Variants in HTRA1 observed in about 807,000 individuals in gnomAD.
HTRA1 encodes HtrA serine peptidase 1.
A neutral mutation model predicts 49.7 loss-of-function variants in HTRA1; 26 were observed. The ratio of observed to expected loss-of-function variants is 0.52; its 90% CI spans 0.38 to 0.73. HTRA1 has a LOEUF of 0.73. HTRA1 is among the 30% of genes least tolerant of loss of function. HTRA1 has a pLI of 0.00. For synonymous variants in HTRA1, 291 were observed against 286.9 expected (o/e 1.01, Z -0.14); for missense variants, 561 against 667.2 (o/e 0.84, Z 1.75).
At chr10:122,480,340 CG>C (rs79943008) in intron 1 of HTRA1, among the ~76,000 whole-genome samples, 30,801 of 152,078 alleles carry the variant, frequency 0.2, 3,413 homozygotes, top group South Asian at 0.43. Context: ...CACATCAGGG[CG>C]GGCGAGGGCA....
chr10:122,506,951 A>G lies in HTRA1; in HGVS notation c.972+66A>G. On this transcript the variant is annotated intron_variant, in intron 4 of 8. Coordinates refer to ENST00000368984, the MANE Select transcript of HTRA1 (RefSeq NM_002775.5). This position sits in a 1 kb window ranked among gnomAD's most constrained non-coding sequence, Gnocchi z 5.2. ...TTTTGCCAGGGGGAGAGGAGTCAGC[A>G]TAGGTCTTAGCCCCTGACTTTGTTG... 7.1e-7 allele frequency: 1 copy of G among 1,408,282 alleles called. No individual in the cohort carries two copies. Among genetic ancestry groups the G allele is most frequent in the East Asian group, 2.3e-5 (1 of 43,532 alleles). The allele number at this position is 1,408,282 out of a possible 1,614,324, so 87.2% of individuals were successfully genotyped here.
Position 122,484,218 on chromosome 10 carries a change from G to C in HTRA1, c.473-4684G>C, listed in dbSNP as rs138574863. Among the ~76,000 whole-genome samples the C allele has an allele frequency of 1.0e-3, 156 of 152,324 alleles. 1 individual carries two copies. The highest frequency in any genetic ancestry group is 3.6e-3 in the African/African-American group (151 of 41,582). On this transcript the variant is annotated intron_variant, in intron 1 of 8. Coordinates refer to ENST00000368984, the MANE Select transcript of HTRA1 (RefSeq NM_002775.5). ...ACAGAACAGTGTGGGGAGGAGGCAT[G>C]GTCCTTACCTACTAGGGCGTTACTT... is the stretch of plus-strand genomic sequence containing the variant.
intron 1 of HTRA1, among the ~76,000 whole-genome samples, chr10:122,475,671 G>A (rs79057333): frequency 0.09 from 13,690 of 152,268 alleles, 826 homozygotes; most frequent in Middle Eastern, 0.17. Flanking sequence ...GGCTGCCTGG[G>A]CCACCACTTA....
intron 1 of HTRA1, among the ~76,000 whole-genome samples, chr10:122,477,374 C>T (rs1291649481): frequency 3.3e-5 from 5 of 152,132 alleles, no homozygotes; most frequent in African/African-American, 4.8e-5. Flanking sequence ...CCAGTATGTA[C>T]CTCCCACATA....
At position 122,464,423 on chromosome 10, in the gene HTRA1, C is replaced by CT. The variant is rs903604652; in HGVS notation, c.472+2303dup. Among the ~76,000 whole-genome samples the CT allele has an allele frequency of 4.9e-4, 74 of 152,134 alleles. No homozygotes were observed. Among genetic ancestry groups the CT allele is most frequent in the African/African-American group, 1.6e-3 (67 of 41,426 alleles). ...AGGGAGAGACAGAGTGGGTACAATG[C>CT]TTTTCTTATCCCTCCCTCCTTCTTT... On this transcript the variant is annotated intron_variant, in intron 1 of 8. Transcript: ENST00000368984. The surrounding 1 kb of genome is among the most constrained non-coding windows in gnomAD (Gnocchi z 4.8).
chr10:122,468,594 C>T (rs1458337481), intron 1 of HTRA1, among the ~76,000 whole-genome samples: 1 of 152,108 alleles, frequency 6.6e-6, no homozygotes, highest in Non-Finnish European at 1.5e-5. Context: ...TCGGAATTTG[C>T]CATCTAATAT....
At chr10:122,482,378 A>C (rs1165106256) in intron 1 of HTRA1, among the ~76,000 whole-genome samples, 1 of 152,256 alleles carries the variant, frequency 6.6e-6, no homozygotes, top group East Asian at 1.9e-4. Flanking sequence ...ATCTGATTTC[A>C]AAACTATGAT....
intron 1 of HTRA1, among the ~76,000 whole-genome samples, chr10:122,479,723 G>A (rs2097490163): frequency 6.6e-6 from 1 of 151,988 alleles, no homozygotes; most frequent in Non-Finnish European, 1.5e-5. Flanking sequence ...GTGCATTAAG[G>A]AGTCGTGGGG....
chr10:122,469,485 T>C (rs1474039102), intron 1 of HTRA1, among the ~76,000 whole-genome samples: 2 of 152,210 alleles, frequency 1.3e-5, no homozygotes, highest in African/African-American at 2.4e-5. Context: ...TCACATCTGC[T>C]TTTCTGTGGC....
In HTRA1 at chr10:122,510,605, A is replaced by T. The variant is rs2133452275; in HGVS notation, c.1178+452A>T. Among the ~76,000 whole-genome samples the T allele has an allele frequency of 1.3e-5, 2 of 152,304 alleles. 1 individual carries two copies. Among genetic ancestry groups the T allele is most frequent in the Middle Eastern group, 6.8e-3 (2 of 294 alleles). On this transcript the variant is annotated intron_variant, in intron 7 of 8. Coordinates refer to ENST00000368984, the MANE Select transcript of HTRA1 (RefSeq NM_002775.5). Reference sequence around the variant, plus strand: ...GCTCCAGGAATGCCAGGGCAGGTCCAGCGCAGGGAAGTGAATGACTGATGT... The same window carrying T: ...GCTCCAGGAATGCCAGGGCAGGTCCTGCGCAGGGAAGTGAATGACTGATGT...
At position 122,501,880 on chromosome 10, in the gene HTRA1, T is replaced by C. The variant is rs1418951311; in HGVS notation, c.778-4811T>C. On this transcript the variant is annotated intron_variant, in intron 3 of 8. Coordinates refer to ENST00000368984, the MANE Select transcript of HTRA1 (RefSeq NM_002775.5). ...GGGAAGGAAGGAGCCTTGTTCTTGA[T>C]GCTGTCTGTGAGCCTTTGAGTTATC... 4.0e-5 allele frequency among the ~76,000 whole-genome samples: 6 copies of C among 151,786 alleles called. No homozygotes were observed. In the East Asian group the frequency reaches 1.2e-3, roughly 29 times the overall value.
Position 122,506,593 on chromosome 10 carries a change from GC to G in HTRA1, c.778-95del. On this transcript the variant is annotated intron_variant, in intron 3 of 8. Transcript: ENST00000368984. The surrounding 1 kb of genome is among the most constrained non-coding windows in gnomAD (Gnocchi z 5.2). ...CCACCGGGCCTGGTGTTTCCAAATA[GC>G]CCGTCACTGTCCCTGCTTGGTTTTC... 1 of 1,056,660 alleles carries G rather than the reference GC, an allele frequency of 9.5e-7. No homozygotes were observed. Among genetic ancestry groups the G allele is most frequent in the African/African-American group, 1.6e-5 (1 of 64,462 alleles). 65.5% of individuals were successfully genotyped at this position (1,056,660 alleles called of 1,614,324 possible).
rs1003685378 is a variant in HTRA1, at chr10:122,488,889, C to A, written c.473-13C>A. 5.0e-6 allele frequency: 8 copies of A among 1,608,188 alleles called. No homozygotes were observed. The highest frequency in any genetic ancestry group is 3.3e-4 in the Middle Eastern group (2 of 6,052). On this transcript the variant is annotated splice_polypyrimidine_tract_variant and intron_variant, in intron 1 of 8. Coordinates refer to ENST00000368984, the MANE Select transcript of HTRA1 (RefSeq NM_002775.5). Reference sequence around the variant, plus strand: ...AGTGTCATTAAGTATCTATTCTTTGCTTTTGTTCTCAGGGCAGGAAGATCC... The same window carrying A: ...AGTGTCATTAAGTATCTATTCTTTGATTTTGTTCTCAGGGCAGGAAGATCC...
At chr10:122,484,946 G>A (rs540890741) in intron 1 of HTRA1, among the ~76,000 whole-genome samples, 23 of 152,328 alleles carry the variant, frequency 1.5e-4, no homozygotes, top group Non-Finnish European at 2.9e-4. Flanking sequence ...ATTCTCCATC[G>A]GGATTGACTC....
intron 3 of HTRA1, among the ~76,000 whole-genome samples, chr10:122,493,291 C>A (rs2097496780): frequency 6.6e-6 from 1 of 152,202 alleles, no homozygotes; most frequent in Non-Finnish European, 1.5e-5. Flanking sequence ...CTCCTTGGGA[C>A]CCACGACTGG....
Position 122,508,470 on chromosome 10 carries a change from G to A in HTRA1, c.1006-186G>A, listed in dbSNP as rs947959074. Among the ~76,000 whole-genome samples, 8 of 152,382 alleles carry A rather than the reference G, an allele frequency of 5.2e-5. No individual in the cohort carries two copies. In the South Asian group the frequency reaches 8.3e-4, roughly 16 times the overall value. ...GTATGTGCGATTCTTCCACAGCTGC[G>A]CGTGGCTCGCGCTGCCTGGGTGTCC... is the stretch of plus-strand genomic sequence containing the variant. On this transcript the variant is annotated intron_variant, in intron 5 of 8. Transcript: ENST00000368984.
intron 1 of HTRA1, among the ~76,000 whole-genome samples, chr10:122,470,406 C>T (rs966105155): frequency 6.6e-5 from 10 of 152,146 alleles, no homozygotes; most frequent in Non-Finnish European, 1.5e-4. Flanking sequence ...CCTAAAGCTT[C>T]AGTGCTAGGA....
In HTRA1 at chr10:122,495,781, T is replaced by C. The variant is rs569285468; in HGVS notation, c.777+6155T>C. ...ATTTGTTTAGGAATGTCTCCTGTCC[T>C]CTTCATTGAGGGGGGAATACAAATT... On this transcript the variant is annotated intron_variant, in intron 3 of 8. Transcript: ENST00000368984. 3.3e-5 allele frequency among the ~76,000 whole-genome samples: 5 copies of C among 152,322 alleles called. No homozygotes were observed. In the South Asian group the frequency reaches 6.2e-4, roughly 19 times the overall value.
Position 122,507,380 on chromosome 10 carries a change from C to A in HTRA1, c.983C>A (p.Ser328Ter). The A allele has an allele frequency of 6.2e-7, 1 of 1,611,660 alleles. No individual in the cohort carries two copies. Among genetic ancestry groups the A allele is most frequent in the Non-Finnish European group, 8.5e-7 (1 of 1,177,780 alleles). Reference sequence around the variant, plus strand: ...TCTGTTTAATTGCAGTATGGAAACTCGGGAGGCCCGTTAGTAAACCTGGTA... The same window carrying A: ...TCTGTTTAATTGCAGTATGGAAACTAGGGAGGCCCGTTAGTAAACCTGGTA... ...QTDAIINYGN[S>*]GGPLVNLDGE... Residue 328 changes from serine (S) to a stop codon, truncating the protein, a stop_gained, in exon 5 of 9, where the codon TCG becomes TAG. Coordinates refer to ENST00000368984, the MANE Select transcript of HTRA1 (RefSeq NM_002775.5). LOFTEE classifies it high-confidence loss of function.
Sources: gnomAD v4.1 joint callset for allele counts (sites outside exome capture counted in the v4.1 genomes callset) on GRCh38, gnomAD v4.1.1 for gene constraint, Gnocchi (gnomAD v3.1) non-coding constraint, MANE v1.5 for transcripts, NCBI Gene and HGNC (gene_info 2026-07-23, HGNC 2026-07-21) for gene names.